Variants in UBAP1 observed in about 807,000 individuals in gnomAD.
The protein encoded by UBAP1 is ubiquitin-associated protein 1.
A neutral mutation model predicts 39.0 loss-of-function variants in UBAP1; 5 were observed. That is an observed-to-expected ratio of 0.13 (90% CI 0.07 to 0.27). UBAP1 has a LOEUF of 0.27. Ranked by LOEUF, UBAP1 falls within the 10% of genes least tolerant of loss-of-function variation. The pLI, the probability that UBAP1 is intolerant of heterozygous loss-of-function variation, is 1.00. For synonymous variants in UBAP1, 211 were observed against 225.1 expected (o/e 0.94, Z 0.56); for missense variants, 490 against 608.1 (o/e 0.81, Z 2.04).
chr9:34,212,960 T>C (rs1832099537), intron 1 of UBAP1, among the ~76,000 whole-genome samples: 1 of 152,190 alleles, frequency 6.6e-6, no homozygotes, highest in African/African-American at 2.4e-5. Flanking sequence ...AACAAAATAC[T>C]AGCTAACCAA....
intron 4 of UBAP1, among the ~76,000 whole-genome samples, chr9:34,247,014 T>C (rs1265873848): frequency 2.0e-5 from 3 of 152,192 alleles, no homozygotes; most frequent in Non-Finnish European, 2.9e-5. Context: ...ACTATTCTTT[T>C]ATTGAAAAAA....
intron 2 of UBAP1, among the ~76,000 whole-genome samples, chr9:34,233,873 G>A (rs922739322): frequency 7.1e-6 from 1 of 140,730 alleles, no homozygotes; most frequent in African/African-American, 2.5e-5. Flanking sequence ...AGTATTTGAG[G>A]TGGATTAAGC....
In UBAP1 at chr9:34,241,040, T is replaced by C. The variant is rs868548346; in HGVS notation, c.160-145T>C. On this transcript the variant is annotated intron_variant, in intron 3 of 6. Coordinates refer to ENST00000297661, the MANE Select transcript of UBAP1 (RefSeq NM_016525.5). Reference sequence around the variant, plus strand: ...CAAGGACATTGGAAGCCTTACTCTTTTTAAGTGGGGATCATCCCACACGCC... The same window carrying C: ...CAAGGACATTGGAAGCCTTACTCTTCTTAAGTGGGGATCATCCCACACGCC... The C allele has an allele frequency of 1.4e-4, 80 of 553,052 alleles. No homozygotes were observed. In the South Asian group the frequency reaches 1.9e-3, roughly 13 times the overall value. 34.3% of individuals were successfully genotyped at this position (553,052 alleles called of 1,614,324 possible).
intron 1 of UBAP1, among the ~76,000 whole-genome samples, chr9:34,183,193 G>C (rs1293734938): frequency 6.6e-6 from 1 of 152,030 alleles, no homozygotes; most frequent in African/African-American, 2.4e-5. Flanking sequence ...TTTATCAGGT[G>C]GTTTTCTTTA....
Position 34,236,716 on chromosome 9 carries a change from G to A in UBAP1, c.159+2376G>A, listed in dbSNP as rs114348984. The stretch of plus-strand genomic sequence containing the variant: ...ATTTTTCACCTGGGCTGTTGCAGTA[G>A]CCTCTTTAATTGGCCCTTCTGCTTG... On this transcript the variant is annotated intron_variant, in intron 3 of 6. Transcript: ENST00000297661. Among the ~76,000 whole-genome samples, 630 of 151,878 alleles carry A rather than the reference G, an allele frequency of 4.1e-3. 4 individuals carry two copies. The highest frequency in any genetic ancestry group is 0.014 in the African/African-American group (595 of 41,416).
chr9:34,249,531 C>A (rs1248494913), intron 4 of UBAP1, among the ~76,000 whole-genome samples: 4 of 152,262 alleles, frequency 2.6e-5, no homozygotes, highest in South Asian at 2.1e-4. Context: ...CAAAGTGGGA[C>A]TAGGGCAGAG....
intron 2 of UBAP1, chr9:34,224,344 A>G: frequency 2.2e-6 from 1 of 449,970 alleles, no homozygotes; most frequent in Non-Finnish European, 4.1e-6. Flanking sequence ...ATTCTTCACC[A>G]GGGTCTTGTT....
At chr9:34,192,246 G>A (rs967791697) in intron 1 of UBAP1, among the ~76,000 whole-genome samples, 6 of 151,856 alleles carry the variant, frequency 4.0e-5, no homozygotes, top group Non-Finnish European at 8.8e-5. Flanking sequence ...GCCAGGCGCG[G>A]TGGCTCATGC....
chr9:34,240,101 T>C (rs997988524), intron 3 of UBAP1, among the ~76,000 whole-genome samples: 3 of 152,160 alleles, frequency 2.0e-5, no homozygotes, highest in Non-Finnish European at 2.9e-5. Context: ...AATTGCAAAA[T>C]TGGGTTTTCT....
rs1491429494 is a variant in UBAP1 at position 34,182,681 on chromosome 9, T to TTCTTTCTTTCTTTCTCTCTC, written c.-8+3444_-8+3445insTTCTTTCTTTCTCTCTCTCT. ...TTTCTTTCTTTCTTTCTTTCTTTCT[T>TTCTTTCTTTCTTTCTCTCTC]TCTCTCTCTCTTTCTTTTCTTTTCT... is the stretch of plus-strand genomic sequence containing the variant. On this transcript the variant is annotated intron_variant, in intron 1 of 6. Transcript: ENST00000297661. Among the ~76,000 whole-genome samples the TTCTTTCTTTCTTTCTCTCTC allele has an allele frequency of 1.4e-4, 16 of 115,598 alleles. 1 individual carries two copies. Among genetic ancestry groups the TTCTTTCTTTCTTTCTCTCTC allele is most frequent in the East Asian group, 1.0e-3 (4 of 3,880 alleles). The allele number at this position is 115,598 out of a possible 152,430, so 75.8% of individuals were successfully genotyped here.
intron 4 of UBAP1, among the ~76,000 whole-genome samples, chr9:34,243,508 C>G (rs1834064280): frequency 6.7e-6 from 1 of 148,744 alleles, no homozygotes; most frequent in Non-Finnish European, 1.5e-5. Context: ...TTTTTTGAGA[C>G]AGATTCTAAT....
chr9:34,211,068 A>C (rs559222044), intron 1 of UBAP1, among the ~76,000 whole-genome samples: 1 of 152,210 alleles, frequency 6.6e-6, no homozygotes, highest in African/African-American at 2.4e-5. Flanking sequence ...AATTTTGTCA[A>C]TATAGACATT....
intron 4 of UBAP1, among the ~76,000 whole-genome samples, chr9:34,243,079 C>G (rs1834043044): frequency 6.8e-6 from 1 of 146,492 alleles, no homozygotes. Context: ...CCCGGGTAAA[C>G]TTGATAGAGT....
At chr9:34,179,660 C>T (rs1829905283) in intron 1 of UBAP1, among the ~76,000 whole-genome samples, 1 of 151,590 alleles carries the variant, frequency 6.6e-6, no homozygotes, top group African/African-American at 2.4e-5. Flanking sequence ...TTAGTTCTCC[C>T]TGAGGCAATG....
intron 1 of UBAP1, among the ~76,000 whole-genome samples, chr9:34,215,144 G>T (rs1832227000): frequency 1.3e-5 from 2 of 152,044 alleles, no homozygotes; most frequent in African/African-American, 2.4e-5. Context: ...CAGAGGAAAA[G>T]AAGTCATTTG....
intron 1 of UBAP1, among the ~76,000 whole-genome samples, chr9:34,216,729 C>T (rs542606642): frequency 7.0e-6 from 1 of 142,412 alleles, no homozygotes; most frequent in Non-Finnish European, 1.5e-5. Context: ...TCACGGCAAC[C>T]TTTGCCTCCT....
intron 1 of UBAP1, among the ~76,000 whole-genome samples, chr9:34,181,505 TC>T (rs1255743254): frequency 3.3e-5 from 5 of 151,386 alleles, no homozygotes; most frequent in African/African-American, 1.2e-4. Flanking sequence ...CGATCTCGGC[TC>T]TCTGCAAGCT....
At position 34,179,173 on chromosome 9, in the gene UBAP1, C is replaced by G. The variant is rs1349573158; in HGVS notation, c.-75C>G. ...GGGCTGTCGGGAGCTCAGCGGGGAC[C>G]GAGCCTGGGAGGCCGGCCGGTGCCA... is the stretch of plus-strand genomic sequence containing the variant. On this transcript the variant is annotated 5_prime_UTR_variant, in exon 1 of 7. Transcript: ENST00000297661. 5 of 1,237,944 alleles carry G rather than the reference C, an allele frequency of 4.0e-6. No individual in the cohort carries two copies. Among genetic ancestry groups the G allele is most frequent in the Non-Finnish European group, 5.1e-6 (5 of 989,500 alleles). 76.7% of individuals were successfully genotyped at this position (1,237,944 alleles called of 1,614,324 possible).
chr9:34,211,038 A>G (rs183036863), intron 1 of UBAP1, among the ~76,000 whole-genome samples: 11 of 152,296 alleles, frequency 7.2e-5, no homozygotes, highest in Admixed American at 7.2e-4. Flanking sequence ...GGGATGATGA[A>G]CATATGATTG....
Sources: allele counts gnomAD v4.1 joint callset (sites outside exome capture counted in the v4.1 genomes callset), GRCh38; gene constraint gnomAD v4.1.1; transcripts MANE v1.5; gene names NCBI Gene and HGNC (gene_info 2026-07-23, HGNC 2026-07-21).